Variants in SPRED1 observed in about 807,000 individuals in gnomAD.
The protein encoded by SPRED1 is sprouty-related, EVH1 domain-containing protein 1.
SPRED1 carries 18 observed loss-of-function variants against 52.3 expected under a neutral mutation model. That is an observed-to-expected ratio of 0.34 (90% confidence interval 0.24 to 0.51). The LOEUF is 0.51. SPRED1 is among the 20% of genes least tolerant of loss of function. The pLI is 0.97. For missense variants in SPRED1, 485 were observed against 551.0 expected, an observed-to-expected ratio of 0.88 and a Z score of 1.20; for synonymous variants, 155 against 179.7, an observed-to-expected ratio of 0.86 and a Z score of 1.10.
At chr15:38,316,759 T>TG (rs1189630803) in intron 2 of SPRED1, among the ~76,000 whole-genome samples, 13 of 145,034 alleles carry the variant, frequency 9.0e-5, no homozygotes, top group Non-Finnish European at 1.5e-4. Flanking sequence ...TTTTTTTTTT[T>TG]TTTTTTTTTT....
At chr15:38,312,624 C>A (rs1318466591) in intron 2 of SPRED1, among the ~76,000 whole-genome samples, 1 of 152,034 alleles carries the variant, frequency 6.6e-6, no homozygotes, top group African/African-American at 2.4e-5. Flanking sequence ...CCTCACATTC[C>A]CCTCATCCCA....
At chr15:38,259,887 G>A (rs967983937) in intron 1 of SPRED1, among the ~76,000 whole-genome samples, 6 of 152,112 alleles carry the variant, frequency 3.9e-5, no homozygotes, top group East Asian at 1.9e-4. Flanking sequence ...GTGTTTTTGC[G>A]ATACTCAGAA....
chr15:38,281,616 T>TG (rs1294699628), intron 1 of SPRED1, among the ~76,000 whole-genome samples: 3 of 142,526 alleles, frequency 2.1e-5, no homozygotes, highest in Non-Finnish European at 4.5e-5. Flanking sequence ...CTTCTCAGGC[T>TG]GGTCTCAAAC....
At chr15:38,349,358 A>T in intron 5 of SPRED1, 64 bp from the exon 6 acceptor site, 1 of 1,233,170 alleles carries the variant, frequency 8.1e-7, no homozygotes, top group Middle Eastern at 1.9e-4. Flanking sequence ...TGGAACATAC[A>T]CTGTACAGTT....
chr15:38,297,833 A>C (rs972192309), intron 1 of SPRED1, among the ~76,000 whole-genome samples: 10 of 152,164 alleles, frequency 6.6e-5, no homozygotes, highest in Admixed American at 2.6e-4. Flanking sequence ...CTGTTATTTC[A>C]CACGTAAGTT....
intron 4 of SPRED1, among the ~76,000 whole-genome samples, chr15:38,330,272 A>G (rs758922098): frequency 1.4e-4 from 22 of 152,086 alleles, no homozygotes; most frequent in Non-Finnish European, 2.8e-4. Context: ...TGCATTTTTT[A>G]TATTCCTTCT....
intron 4 of SPRED1, among the ~76,000 whole-genome samples, chr15:38,327,094 A>AT (rs1895721783): frequency 6.6e-6 from 1 of 152,110 alleles, no homozygotes; most frequent in East Asian, 1.9e-4. Flanking sequence ...CAGAAACGAG[A>AT]TTGAGAGAAG....
intron 4 of SPRED1, among the ~76,000 whole-genome samples, chr15:38,331,164 TCATTGTG>T (rs72379820): frequency 0.12 from 18,231 of 152,022 alleles, 1,854 homozygotes; most frequent in East Asian, 0.54. Context: ...AAACAAATTT[TCATTGTG>T]CATTAACTAT....
chr15:38,278,611 G>A (rs1894612006), intron 1 of SPRED1, among the ~76,000 whole-genome samples: 1 of 152,098 alleles, frequency 6.6e-6, no homozygotes, highest in African/African-American at 2.4e-5. Flanking sequence ...CAGAATCTAT[G>A]GATGCTCAAG....
In SPRED1 at chr15:38,352,097, AG is replaced by A; in HGVS notation, c.*434del. Reference sequence around the variant, plus strand: ...AAGTTAACACTTGGGAATTACAAGAAGTAAAACAAGTGCAACTAAATCATTT... The same window carrying A: ...AAGTTAACACTTGGGAATTACAAGAATAAAACAAGTGCAACTAAATCATTT... On this transcript the variant is annotated 3_prime_UTR_variant, in exon 7 of 7. Coordinates refer to ENST00000299084, the MANE Select transcript of SPRED1 (RefSeq NM_152594.3). 3 of 173,042 alleles carry A rather than the reference AG, an allele frequency of 1.7e-5. No individual in the cohort carries two copies. Among genetic ancestry groups the A allele is most frequent in the Non-Finnish European group, 3.7e-5 (3 of 80,558 alleles). The allele number at this position is 173,042 out of a possible 1,614,324, so 10.7% of individuals were successfully genotyped here.
intron 1 of SPRED1, among the ~76,000 whole-genome samples, chr15:38,287,043 CAT>C (rs753722856): frequency 1.3e-5 from 2 of 152,230 alleles, no homozygotes; most frequent in African/African-American, 4.8e-5. Context: ...TCCCATCACA[CAT>C]GTCTTATGTA....
intron 1 of SPRED1, among the ~76,000 whole-genome samples, chr15:38,278,566 G>A (rs1274908802): frequency 6.6e-6 from 1 of 152,106 alleles, no homozygotes; most frequent in African/African-American, 2.4e-5. Flanking sequence ...GTTATTTGTG[G>A]GAGATTGGTT....
At chr15:38,313,398 G>C (rs1895407804) in intron 2 of SPRED1, among the ~76,000 whole-genome samples, 1 of 151,864 alleles carries the variant, frequency 6.6e-6, no homozygotes, top group Non-Finnish European at 1.5e-5. Flanking sequence ...TCTCAATTTG[G>C]ATTTTTCTAA....
chr15:38,300,691 T>C (rs943013207), intron 2 of SPRED1, among the ~76,000 whole-genome samples: 1 of 152,174 alleles, frequency 6.6e-6, no homozygotes, highest in African/African-American at 2.4e-5. Flanking sequence ...CATTGTATAA[T>C]GTGTCTCAGC....
At chr15:38,284,787 C>T (rs949144195) in intron 1 of SPRED1, among the ~76,000 whole-genome samples, 2 of 151,202 alleles carry the variant, frequency 1.3e-5, no homozygotes, top group Admixed American at 6.6e-5. Context: ...TGTTTGTATG[C>T]ATTTGGATGC....
chr15:38,327,664 A>G (rs1255690663), intron 4 of SPRED1, among the ~76,000 whole-genome samples: 1 of 152,234 alleles, frequency 6.6e-6, no homozygotes, highest in African/African-American at 2.4e-5. Context: ...TCCTCCAGCC[A>G]CAAACAAGCC....
At chr15:38,281,916 A>G (rs1286579071) in intron 1 of SPRED1, among the ~76,000 whole-genome samples, 1 of 152,170 alleles carries the variant, frequency 6.6e-6, no homozygotes, top group Non-Finnish European at 1.5e-5. Context: ...TTCTAGATGT[A>G]AAGTCGATAC....
intron 1 of SPRED1, among the ~76,000 whole-genome samples, chr15:38,255,561 A>G (rs1420633214): frequency 1.3e-5 from 2 of 152,214 alleles, no homozygotes; most frequent in African/African-American, 4.8e-5. Context: ...TACTAGAGCC[A>G]GCATTGTTTG....
rs189602396 is a variant in SPRED1, at chr15:38,313,393, A to G, written c.208-8848A>G. On this transcript the variant is annotated intron_variant, in intron 2 of 6. Transcript: ENST00000299084. Reference sequence around the variant, plus strand: ...CAGTTATTTTATAGAATGTTTCTCAATTTGGATTTTTCTAATGTTTCCCCA... The same window carrying G: ...CAGTTATTTTATAGAATGTTTCTCAGTTTGGATTTTTCTAATGTTTCCCCA... 1.4e-4 allele frequency among the ~76,000 whole-genome samples: 21 copies of G among 152,032 alleles called. 1 individual carries two copies. The East Asian group carries it at 3.9e-3, about 28-fold the overall frequency.
Sources: allele counts gnomAD v4.1 joint callset (sites outside exome capture counted in the v4.1 genomes callset), GRCh38; gene constraint gnomAD v4.1.1; transcripts MANE v1.5; gene names NCBI Gene and HGNC (gene_info 2026-07-23, HGNC 2026-07-21).